VWA8: variants seen among roughly 807,000 people sequenced by gnomAD.
VWA8 encodes the protein von Willebrand factor A domain containing 8.
Under a neutral mutation model 241.5 loss-of-function variants are expected in VWA8, and 221 were observed. The ratio of observed to expected loss-of-function variants is 0.91; its 90% CI spans 0.82 to 1.02. VWA8 has a LOEUF of 1.02. Ranked by LOEUF, VWA8 falls within the 50% of genes least tolerant of loss-of-function variation. The pLI is 0.00. For missense variants in VWA8, 2,322 were observed against 2,328.7 expected, an observed-to-expected ratio of 1.00 and a Z score of 0.06; for synonymous variants, 852 against 827.1, an observed-to-expected ratio of 1.03 and a Z score of -0.52.
intron 37 of VWA8, among the ~76,000 whole-genome samples, chr13:41,670,502 T>G (rs1443651705): frequency 2.0e-5 from 3 of 152,156 alleles, no homozygotes; most frequent in African/African-American, 7.2e-5. Context: ...TGGATGCATA[T>G]TTTTGCTCAC....
chr13:41,948,027 T>C (rs371580671), intron 2 of VWA8, among the ~76,000 whole-genome samples: 2 of 151,030 alleles, frequency 1.3e-5, no homozygotes, highest in African/African-American at 4.9e-5. Context: ...ATTTATCTTC[T>C]AGGTAAAACC....
chr13:41,825,237 GT>G (rs1295275331), intron 14 of VWA8, among the ~76,000 whole-genome samples: 2 of 152,134 alleles, frequency 1.3e-5, no homozygotes, highest in Non-Finnish European at 1.5e-5. Flanking sequence ...AAAGAATGAA[GT>G]AATGCTAACA....
At chr13:41,642,494 G>A (rs34942109) in intron 37 of VWA8, among the ~76,000 whole-genome samples, 4,183 of 147,802 alleles carry the variant, frequency 0.028, 67 homozygotes, top group South Asian at 0.061. Flanking sequence ...GGGAGGCGGA[G>A]ACTACAGTGA....
chr13:41,739,833 T>G (rs1357285886), intron 21 of VWA8, among the ~76,000 whole-genome samples: 1 of 56,380 alleles, frequency 1.8e-5, no homozygotes, highest in African/African-American at 5.8e-5. Context: ...TTTTGTTTTT[T>G]TTTTTGTTTT....
At chr13:41,783,539 G>T (rs7335388) in intron 19 of VWA8, among the ~76,000 whole-genome samples, 37,685 of 151,496 alleles carry the variant, frequency 0.25, 5,127 homozygotes, top group South Asian at 0.3. Flanking sequence ...TCGGGAGGCT[G>T]AGGTAGAAGA....
chr13:41,677,247 G>A (rs1280084252), intron 35 of VWA8, among the ~76,000 whole-genome samples: 2 of 152,098 alleles, frequency 1.3e-5, no homozygotes, highest in African/African-American at 2.4e-5. Context: ...TTCTATAATT[G>A]TTATACTCAT....
intron 8 of VWA8, among the ~76,000 whole-genome samples, chr13:41,885,087 T>G (rs1409386701): frequency 1.3e-5 from 2 of 152,192 alleles, no homozygotes; most frequent in Admixed American, 1.3e-4. Flanking sequence ...TCTGGTCACA[T>G]TCATAGCCCA....
chr13:41,875,809 C>G (rs1658059002), intron 9 of VWA8, among the ~76,000 whole-genome samples: 1 of 151,930 alleles, frequency 6.6e-6, no homozygotes, highest in South Asian at 2.1e-4. Context: ...CATCATGACC[C>G]CGATTTTCTC....
At chr13:41,693,207 C>T (rs546886103) in intron 29 of VWA8, among the ~76,000 whole-genome samples, 5 of 151,784 alleles carry the variant, frequency 3.3e-5, no homozygotes, top group South Asian at 2.1e-4. Flanking sequence ...TTTATGAAGA[C>T]GTTTCTAAAT....
At chr13:41,917,589 G>A (rs1268782762) in intron 2 of VWA8, among the ~76,000 whole-genome samples, 4 of 152,110 alleles carry the variant, frequency 2.6e-5, no homozygotes, top group Admixed American at 2.0e-4. Context: ...AACCAGGTAC[G>A]GGAGAATTAT....
At chr13:41,911,034 T>C (rs573114713) in intron 3 of VWA8, among the ~76,000 whole-genome samples, 1 of 151,572 alleles carries the variant, frequency 6.6e-6, no homozygotes, top group South Asian at 2.1e-4. Flanking sequence ...ACTGACAAAA[T>C]AGCGGAAAAC....
chr13:41,636,255 G>C (rs1000140293), intron 37 of VWA8, among the ~76,000 whole-genome samples: 3 of 152,024 alleles, frequency 2.0e-5, no homozygotes, highest in Admixed American at 6.6e-5. Flanking sequence ...CAGAACAGAG[G>C]CCTCAGAAAT....
At chr13:41,731,381 T>TA (rs534582346) in intron 22 of VWA8, among the ~76,000 whole-genome samples, 6 of 152,222 alleles carry the variant, frequency 3.9e-5, no homozygotes, top group Admixed American at 1.3e-4. Flanking sequence ...TAGAACCATT[T>TA]AAAAAAACTT....
At chr13:41,595,382 T>C (rs2044481684) in intron 40 of VWA8, among the ~76,000 whole-genome samples, 2 of 152,110 alleles carry the variant, frequency 1.3e-5, no homozygotes, top group African/African-American at 4.8e-5. Context: ...CCTTTTTCTT[T>C]CTTTTTGGGG....
At chr13:41,954,953 T>C (rs1179799090) in intron 1 of VWA8, among the ~76,000 whole-genome samples, 1 of 152,240 alleles carries the variant, frequency 6.6e-6, no homozygotes, top group Non-Finnish European at 1.5e-5. Flanking sequence ...TGAAGACTAC[T>C]GTTTAGTCTA....
rs190128050 is a variant in VWA8 at position 41,889,795 on chromosome 13, C to T, written c.651+1625G>A. On this transcript the variant is annotated intron_variant, in intron 5 of 44. Coordinates refer to ENST00000379310, the MANE Select transcript of VWA8 (RefSeq NM_015058.2). The stretch of plus-strand genomic sequence containing the variant: ...CAAACTTTTTGTTGTGAAGTAACTC[C>T]TATACTTAAAAAAAATGATTCCATA... Among the ~76,000 whole-genome samples the T allele has an allele frequency of 4.6e-5, 7 of 152,064 alleles. No homozygotes were observed. The East Asian group carries it at 1.3e-3, about 29-fold the overall frequency.
At chr13:41,750,497 AGG>A (rs2045647555) in intron 21 of VWA8, among the ~76,000 whole-genome samples, 1 of 151,772 alleles carries the variant, frequency 6.6e-6, no homozygotes, top group South Asian at 2.1e-4. Flanking sequence ...AAAGAAAGGA[AGG>A]AAGGAAGGAA....
chr13:41,866,327 C>A (rs1205269671), intron 10 of VWA8, among the ~76,000 whole-genome samples: 1 of 149,000 alleles, frequency 6.7e-6, no homozygotes, highest in Non-Finnish European at 1.5e-5. Context: ...GCAGCCTGGG[C>A]AACAGAGCGA....
intron 17 of VWA8, among the ~76,000 whole-genome samples, chr13:41,798,180 C>A (rs970278633): frequency 6.6e-6 from 1 of 152,126 alleles, no homozygotes; most frequent in Non-Finnish European, 1.5e-5. Flanking sequence ...TTTAGCTTCA[C>A]CCTGTTGTTA....
Sources: allele counts gnomAD v4.1 joint callset (sites outside exome capture counted in the v4.1 genomes callset), GRCh38; gene constraint gnomAD v4.1.1; transcripts MANE v1.5; gene names NCBI Gene and HGNC (gene_info 2026-07-23, HGNC 2026-07-21).